Variants in ROBO2 observed in about 807,000 individuals in gnomAD.
ROBO2 encodes roundabout guidance receptor 2.
Under a neutral mutation model 160.8 loss-of-function variants are expected in ROBO2, and 53 were observed. The ratio of observed to expected loss-of-function variants is 0.33; its 90% confidence interval spans 0.26 to 0.41. The LOEUF is 0.41. Among genes scored for constraint, ROBO2 ranks in the 10% least tolerant of loss-of-function variants. The pLI, the probability that ROBO2 is intolerant of heterozygous loss-of-function variation, is 1.00. For synonymous variants in ROBO2, 664 were observed against 611.7 expected, an observed-to-expected ratio of 1.09 and a Z score of -1.26; for missense variants, 1,577 against 1,722.4, an observed-to-expected ratio of 0.92 and a Z score of 1.49.
chr3:76,662,097 T>A (rs2091846426), intron 2 of ROBO2, among the ~76,000 whole-genome samples: 1 of 152,244 alleles, frequency 6.6e-6, no homozygotes, highest in African/African-American at 2.4e-5. Flanking sequence ...TAAGGAGACA[T>A]ATTCAATGCC....
At chr3:77,332,578 C>T (rs1057423672) in intron 2 of ROBO2, among the ~76,000 whole-genome samples, 12 of 152,106 alleles carry the variant, frequency 7.9e-5, no homozygotes, top group African/African-American at 2.9e-4. Context: ...ATGCACATAA[C>T]ATAGCATAAA....
intron 2 of ROBO2, among the ~76,000 whole-genome samples, chr3:75,995,793 G>A (rs770347595): frequency 1.2e-4 from 18 of 152,208 alleles, no homozygotes; most frequent in Admixed American, 6.5e-5. Flanking sequence ...CCAAGGCTGT[G>A]GAAGCCCACT....
intron 2 of ROBO2, among the ~76,000 whole-genome samples, chr3:77,151,632 C>T (rs1257687213): frequency 1.3e-5 from 2 of 152,268 alleles, no homozygotes; most frequent in East Asian, 3.9e-4. Context: ...ACTATATTCA[C>T]ATTATGGCTT....
chr3:77,624,682 G>A (rs1164954819), intron 23 of ROBO2, among the ~76,000 whole-genome samples: 1 of 152,040 alleles, frequency 6.6e-6, no homozygotes, highest in Non-Finnish European at 1.5e-5. Context: ...CAGTGGATGC[G>A]GATCATACCA....
intron 2 of ROBO2, among the ~76,000 whole-genome samples, chr3:76,729,439 A>G (rs758309180): frequency 6.6e-5 from 10 of 152,116 alleles, no homozygotes; most frequent in Non-Finnish European, 1.2e-4. Flanking sequence ...TTGCAAACCT[A>G]TGGCAGCTGA....
intron 2 of ROBO2, among the ~76,000 whole-genome samples, chr3:77,372,258 A>G (rs1264022701): frequency 6.6e-6 from 1 of 152,160 alleles, no homozygotes; most frequent in African/African-American, 2.4e-5. Flanking sequence ...CGGTTTAGGC[A>G]TAGTCAATTC....
intron 2 of ROBO2, among the ~76,000 whole-genome samples, chr3:76,994,856 A>G (rs1429262637): frequency 6.6e-6 from 1 of 152,226 alleles, no homozygotes; most frequent in Non-Finnish European, 1.5e-5. Flanking sequence ...GCAATATAAT[A>G]AAAACATATC....
At chr3:76,128,914 G>C (rs114957561) in intron 2 of ROBO2, among the ~76,000 whole-genome samples, 1 of 152,034 alleles carries the variant, frequency 6.6e-6, no homozygotes, top group Admixed American at 6.6e-5. Context: ...CTGAGTTTGC[G>C]TATAGAGCAG....
intron 20 of ROBO2, among the ~76,000 whole-genome samples, chr3:77,606,981 A>T (rs1293559817): frequency 2.0e-5 from 3 of 152,212 alleles, no homozygotes; most frequent in African/African-American, 7.2e-5. Context: ...TAATTTTGGA[A>T]GAGTAAAAAC....
chr3:75,907,127 G>A (rs1229528836), intron 1 of ROBO2, among the ~76,000 whole-genome samples: 2 of 152,188 alleles, frequency 1.3e-5, no homozygotes, highest in African/African-American at 4.8e-5. Context: ...GTGGGTGGTT[G>A]CGATCCTCAC....
At position 76,498,475 on chromosome 3, in the gene ROBO2, A is replaced by G. The variant is rs539144321; in HGVS notation, c.109+560873A>G. ...CAGCATTATCACCACAAATAAATAA[A>G]TAAGTGTGAGGTAACATATATGTTA... On this transcript the variant is annotated intron_variant, in intron 2 of 26. Coordinates refer to the ROBO2 transcript ENST00000487694. Among the ~76,000 whole-genome samples, 5 of 152,190 alleles carry G rather than the reference A, an allele frequency of 3.3e-5. No homozygotes were observed. In the South Asian group the frequency reaches 1.0e-3, roughly 32 times the overall value.
chr3:77,546,573 T>A, intron 7 of ROBO2, 111 bp downstream of exon 8: 1 of 1,391,352 alleles, frequency 7.2e-7, no homozygotes, highest in Non-Finnish European at 1.0e-6. Context: ...TTTATTTTAT[T>A]TCTGAAAAAG....
chr3:75,996,099 A>G (rs962202013), intron 2 of ROBO2, among the ~76,000 whole-genome samples: 1 of 151,930 alleles, frequency 6.6e-6, no homozygotes, highest in African/African-American at 2.4e-5. Context: ...ATGAGGTAAG[A>G]CTTCAGGGGA....
At chr3:77,447,675 C>G (rs923249369) in intron 2 of ROBO2, among the ~76,000 whole-genome samples, 1 of 152,096 alleles carries the variant, frequency 6.6e-6, no homozygotes, top group African/African-American at 2.4e-5. Context: ...TCCTTTTGAA[C>G]TAATTAGTGT....
intron 2 of ROBO2, among the ~76,000 whole-genome samples, chr3:76,885,861 T>C (rs925661685): frequency 3.3e-5 from 5 of 152,158 alleles, no homozygotes; most frequent in Admixed American, 2.6e-4. Context: ...TTTCCTCTTG[T>C]TCCTGAGACA....
At chr3:76,834,052 C>CTTTTCTTTT (rs368306463) in intron 2 of ROBO2, among the ~76,000 whole-genome samples, 1 of 47,100 alleles carries the variant, frequency 2.1e-5, no homozygotes, top group Non-Finnish European at 4.3e-5. Flanking sequence ...TTCTTTCTCT[C>CTTTTCTTTT]CTTTCTTTCT....
intron 2 of ROBO2, among the ~76,000 whole-genome samples, chr3:76,148,564 A>G (rs957697872): frequency 6.6e-6 from 1 of 152,072 alleles, no homozygotes; most frequent in Non-Finnish European, 1.5e-5. Context: ...GCCTATCCCA[A>G]TCAGACTCCT....
chr3:76,021,308 A>G (rs2066568692), intron 2 of ROBO2, among the ~76,000 whole-genome samples: 1 of 151,844 alleles, frequency 6.6e-6, no homozygotes, highest in South Asian at 2.1e-4. Flanking sequence ...TATTTTTTCA[A>G]CTATTTAAAT....
chr3:76,144,002 C>G (rs1004531134), intron 2 of ROBO2, among the ~76,000 whole-genome samples: 1 of 151,814 alleles, frequency 6.6e-6, no homozygotes, highest in African/African-American at 2.4e-5. Flanking sequence ...ATGAGGTCCC[C>G]CCTACACTGT....
Sources: allele counts gnomAD v4.1 joint callset (sites outside exome capture counted in the v4.1 genomes callset), GRCh38; gene constraint gnomAD v4.1.1; transcripts MANE v1.5; gene names NCBI Gene and HGNC (gene_info 2026-07-23, HGNC 2026-07-21).